COL14A1: variants seen among roughly 807,000 people sequenced by gnomAD.
COL14A1 encodes the protein collagen alpha-1(XIV) chain.
A neutral mutation model predicts 230.3 loss-of-function variants in COL14A1; 136 were observed. The observed-to-expected ratio is 0.59, with a 90% CI of 0.51 to 0.68. The LOEUF (loss-of-function observed/expected upper bound fraction) is 0.68, where lower values mean the gene tolerates loss of function less well. Among genes scored for constraint, COL14A1 ranks in the 30% least tolerant of loss-of-function variants. COL14A1 has a pLI of 0.00. For missense variants in COL14A1, 1,976 were observed against 2,215.8 expected (o/e 0.89, Z 2.17); for synonymous variants, 792 against 784.1 (o/e 1.01, Z -0.17).
chr8:120,360,801 T>C (rs1586898258), intron 45 of COL14A1, among the ~76,000 whole-genome samples: 2 of 152,160 alleles, frequency 1.3e-5, no homozygotes. Flanking sequence ...GGCTAGGCAG[T>C]TTATGTTGTT....
intron 39 of COL14A1, 75 bp downstream of exon 39, chr8:120,315,661 CTGAAGTCAGTTG>C: frequency 8.1e-7 from 1 of 1,233,164 alleles, no homozygotes; most frequent in South Asian, 1.3e-5. Flanking sequence ...GCTGTAGCTT[CTGAAGTCAGTTG>C]TGATCTTGGT....
At chr8:120,309,943 G>A in intron 36 of COL14A1, 66 bp from the exon 37 acceptor site, 3 of 1,482,754 alleles carry the variant, frequency 2.0e-6, no homozygotes, top group Non-Finnish European at 2.8e-6. Flanking sequence ...TACTATTAAG[G>A]AAAATGAATG....
intron 45 of COL14A1, among the ~76,000 whole-genome samples, chr8:120,349,667 G>A (rs1039445557): frequency 6.5e-5 from 9 of 138,550 alleles, no homozygotes; most frequent in East Asian, 4.1e-4. Context: ...GAAATGAAGC[G>A]AGAAGGGAAG....
chr8:120,193,424 T>C (rs1816903756), intron 5 of COL14A1, among the ~76,000 whole-genome samples: 1 of 152,030 alleles, frequency 6.6e-6, no homozygotes, highest in Non-Finnish European at 1.5e-5. Flanking sequence ...CTCAGAGGAG[T>C]AACAGGCCAT....
chr8:120,320,446 G>C (rs1821398549), intron 40 of COL14A1, among the ~76,000 whole-genome samples: 1 of 152,020 alleles, frequency 6.6e-6, no homozygotes, highest in African/African-American at 2.4e-5. Context: ...AGATTATGCA[G>C]GTTTTATGTC....
intron 8 of COL14A1, among the ~76,000 whole-genome samples, chr8:120,201,839 C>T (rs1586761451): frequency 6.6e-6 from 1 of 152,116 alleles, no homozygotes; most frequent in African/African-American, 2.4e-5. Flanking sequence ...CCTCCAAAGT[C>T]GTGATGACCA....
intron 36 of COL14A1, among the ~76,000 whole-genome samples, chr8:120,303,145 T>C (rs7341620): frequency 0.54 from 82,119 of 152,046 alleles, 23,993 homozygotes; most frequent in African/African-American, 0.79. Flanking sequence ...TGGGCTAAGA[T>C]GATGGGGTTT....
At chr8:120,323,424 G>A (rs1461812706) in intron 40 of COL14A1, among the ~76,000 whole-genome samples, 1 of 152,082 alleles carries the variant, frequency 6.6e-6, no homozygotes, top group South Asian at 2.1e-4. Flanking sequence ...AGTATAATTA[G>A]AGCCTATTTG....
intron 14 of COL14A1, among the ~76,000 whole-genome samples, chr8:120,224,291 T>C (rs1003895380): frequency 6.6e-6 from 1 of 152,020 alleles, no homozygotes; most frequent in Non-Finnish European, 1.5e-5. Context: ...CCTCCCAAAG[T>C]GCTGGGATTG....
rs187355866 is a variant in COL14A1, at chr8:120,348,699, T to A, written c.5077+3136T>A. Among the ~76,000 whole-genome samples the A allele has an allele frequency of 2.6e-5, 4 of 152,314 alleles. No individual in the cohort carries two copies. The East Asian group carries it at 7.7e-4, about 29-fold the overall frequency. ...GGAAAAAAATTTTGTTTTTTTAAATTCACAACTCCATTCAGTTTGGATAGT... is the reference window on the plus strand; with the variant it reads ...GGAAAAAAATTTTGTTTTTTTAAATACACAACTCCATTCAGTTTGGATAGT... On this transcript the variant is annotated intron_variant, in intron 45 of 47. Transcript: ENST00000297848.
At chr8:120,174,353 T>G (rs1295214154) in intron 5 of COL14A1, among the ~76,000 whole-genome samples, 2 of 152,166 alleles carry the variant, frequency 1.3e-5, no homozygotes, top group Non-Finnish European at 2.9e-5. Context: ...GTGTCAGAAT[T>G]TATTAGCTAT....
intron 23 of COL14A1, among the ~76,000 whole-genome samples, chr8:120,258,049 G>A (rs773995020): frequency 2.6e-5 from 4 of 152,150 alleles, no homozygotes; most frequent in Admixed American, 6.5e-5. Flanking sequence ...TTTGTGAGTA[G>A]AATAGCCACG....
chr8:120,371,883 T>C lies in COL14A1; in HGVS notation c.*652T>C. On this transcript the variant is annotated 3_prime_UTR_variant, in exon 48 of 48. Coordinates refer to ENST00000297848, the MANE Select transcript of COL14A1 (RefSeq NM_021110.4). ...AATAATGATTTTCCACCAGCTCTGATGCAAAGAGATATAATTTTAATGAAC... is the reference window on the plus strand; with the variant it reads ...AATAATGATTTTCCACCAGCTCTGACGCAAAGAGATATAATTTTAATGAAC... 2.8e-6 allele frequency: 1 copy of C among 361,894 alleles called. No individual in the cohort carries two copies. The highest frequency in any genetic ancestry group is 4.9e-6 in the Non-Finnish European group (1 of 202,186). The allele number at this position is 361,894 out of a possible 1,614,324, so 22.4% of individuals were successfully genotyped here.
intron 40 of COL14A1, among the ~76,000 whole-genome samples, chr8:120,316,998 T>G (rs1251457893): frequency 1.3e-5 from 2 of 152,140 alleles, no homozygotes; most frequent in African/African-American, 4.8e-5. Context: ...ATTTTGAACT[T>G]TAACATGAAG....
intron 5 of COL14A1, among the ~76,000 whole-genome samples, chr8:120,196,434 C>G (rs141771920): frequency 2.0e-5 from 3 of 152,316 alleles, no homozygotes; most frequent in Admixed American, 1.3e-4. Context: ...TCTCGGCTGA[C>G]TGGCACACGC....
intron 1 of COL14A1, among the ~76,000 whole-genome samples, chr8:120,134,118 G>T (rs764150928): frequency 8.6e-5 from 13 of 151,938 alleles, no homozygotes; most frequent in Middle Eastern, 3.6e-3. Context: ...AATAAACAAA[G>T]AATATATTCT....
intron 41 of COL14A1, among the ~76,000 whole-genome samples, chr8:120,332,401 CAGA>C (rs1821901560): frequency 6.6e-6 from 1 of 152,116 alleles, no homozygotes. Flanking sequence ...GCTATTTTGC[CAGA>C]AGATCACCTG....
rs1340745910 is a variant in COL14A1, at chr8:120,310,202, C to CCTT, written c.4455+145_4455+147dup. 3 of 718,264 alleles carry CCTT rather than the reference C, an allele frequency of 4.2e-6. No individual in the cohort carries two copies. The East Asian group carries it at 8.2e-5, about 20-fold the overall frequency. The allele number at this position is 718,264 out of a possible 1,614,324, so 44.5% of individuals were successfully genotyped here. A position where few individuals can be genotyped will look rare whatever the true frequency, so the allele number is the denominator to read the frequency against. ...TAGTTTTATGAAAGTTGTGCCTAAC[C>CCTT]CTTCTTCCTTATTTTAAAAGCCTAT... On this transcript the variant is annotated intron_variant, in intron 37 of 47. Transcript: ENST00000297848.
chr8:120,199,366 G>A (rs1159976217), intron 7 of COL14A1, 36 bp from the exon 8 acceptor site: 4 of 1,521,926 alleles, frequency 2.6e-6, no homozygotes, highest in Non-Finnish European at 3.5e-6. Flanking sequence ...TTTTATTAGA[G>A]ATAGCTGGTG....
Sources: allele counts gnomAD v4.1 joint callset (sites outside exome capture counted in the v4.1 genomes callset), GRCh38; gene constraint gnomAD v4.1.1; transcripts MANE v1.5; gene names NCBI Gene and HGNC (gene_info 2026-07-23, HGNC 2026-07-21).